DOK6: variants seen among roughly 807,000 people sequenced by gnomAD.
DOK6 encodes the protein docking protein 6.
A neutral mutation model predicts 44.0 loss-of-function variants in DOK6; 22 were observed. The observed-to-expected ratio is 0.50, with a 90% CI of 0.36 to 0.71. The LOEUF (loss-of-function observed/expected upper bound fraction) is 0.71, where lower values mean the gene tolerates loss of function less well. DOK6 is among the 30% of genes least tolerant of loss of function. DOK6 has a pLI of 0.00. For missense variants in DOK6, 340 were observed against 416.4 expected (o/e 0.82, Z 1.60); for synonymous variants, 166 against 145.5 (o/e 1.14, Z -1.01).
intron 1 of DOK6, among the ~76,000 whole-genome samples, chr18:69,504,124 A>G (rs147550290): frequency 2.6e-5 from 4 of 152,034 alleles, no homozygotes; most frequent in Non-Finnish European, 5.9e-5. Context: ...AGTTAATGGG[A>G]TAAGTTTCAG....
At chr18:69,475,447 A>G (rs1024057278) in intron 1 of DOK6, among the ~76,000 whole-genome samples, 3 of 152,230 alleles carry the variant, frequency 2.0e-5, no homozygotes, top group Admixed American at 6.5e-5. Context: ...AGTATGAAAC[A>G]AAGAAAAAAT....
intron 1 of DOK6, among the ~76,000 whole-genome samples, chr18:69,444,594 A>T (rs1979226950): frequency 6.6e-6 from 1 of 151,340 alleles, no homozygotes; most frequent in Admixed American, 6.6e-5. Flanking sequence ...TTTTATTTTT[A>T]ATTTATATAA....
chr18:69,556,180 T>A (rs1403560794), intron 1 of DOK6, among the ~76,000 whole-genome samples: 1 of 152,206 alleles, frequency 6.6e-6, no homozygotes, highest in Non-Finnish European at 1.5e-5. Flanking sequence ...GATCCCTTCC[T>A]GACCTGGCTT....
chr18:69,517,954 C>T (rs1376999657), intron 1 of DOK6, among the ~76,000 whole-genome samples: 1 of 151,960 alleles, frequency 6.6e-6, no homozygotes, highest in Non-Finnish European at 1.5e-5. Context: ...AGCTGCCTCC[C>T]CTAGCCAAAT....
chr18:69,732,992 A>T (rs996502510), intron 5 of DOK6, among the ~76,000 whole-genome samples: 2 of 152,178 alleles, frequency 1.3e-5, no homozygotes, highest in Non-Finnish European at 2.9e-5. Flanking sequence ...GAAACTTACA[A>T]TCATGGCAGA....
chr18:69,790,396 G>A (rs1364735555), intron 7 of DOK6, among the ~76,000 whole-genome samples: 3 of 152,084 alleles, frequency 2.0e-5, no homozygotes, highest in Non-Finnish European at 4.4e-5. Context: ...CAGACCTGCA[G>A]GTTCTGCACA....
At chr18:69,518,217 C>G (rs906754114) in intron 1 of DOK6, among the ~76,000 whole-genome samples, 1 of 152,118 alleles carries the variant, frequency 6.6e-6, no homozygotes, top group Non-Finnish European at 1.5e-5. Context: ...AAGGAATCTA[C>G]TGGTAAAATT....
chr18:69,477,779 G>A (rs1457654404), intron 1 of DOK6, among the ~76,000 whole-genome samples: 2 of 152,122 alleles, frequency 1.3e-5, no homozygotes, highest in Non-Finnish European at 2.9e-5. Flanking sequence ...CAGTTTAACA[G>A]CCAAGAAGAT....
At chr18:69,835,214 G>A (rs559794063) in intron 7 of DOK6, among the ~76,000 whole-genome samples, 5 of 152,244 alleles carry the variant, frequency 3.3e-5, no homozygotes, top group Middle Eastern at 3.4e-3. Context: ...TGTAATTCCA[G>A]CACTTTGGGA....
intron 6 of DOK6, among the ~76,000 whole-genome samples, chr18:69,756,617 C>T (rs532283393): frequency 1.6e-4 from 24 of 152,300 alleles, no homozygotes; most frequent in South Asian, 1.2e-3. Context: ...TGGCCTTGAA[C>T]GACCTGGTGT....
chr18:69,433,212 C>A (rs965126621), intron 1 of DOK6, among the ~76,000 whole-genome samples: 1 of 152,082 alleles, frequency 6.6e-6, no homozygotes, highest in African/African-American at 2.4e-5. Context: ...TTTAGGAGAT[C>A]TGTTAGCATT....
chr18:69,764,463 C>T (rs1979657248), intron 7 of DOK6, among the ~76,000 whole-genome samples: 1 of 152,148 alleles, frequency 6.6e-6, no homozygotes, highest in South Asian at 2.1e-4. Flanking sequence ...CCTCCATGCT[C>T]TCCTTGTGAT....
chr18:69,796,811 T>C (rs2145102317), intron 7 of DOK6, among the ~76,000 whole-genome samples: 1 of 152,318 alleles, frequency 6.6e-6, no homozygotes, highest in East Asian at 1.9e-4. Context: ...TCTCATATGC[T>C]TGTTTCTTGA....
chr18:69,499,675 C>A (rs1234085954), intron 1 of DOK6, among the ~76,000 whole-genome samples: 1 of 152,140 alleles, frequency 6.6e-6, no homozygotes, highest in Admixed American at 6.5e-5. Context: ...CTTCCTACTC[C>A]ATATTCTTTG....
At chr18:69,406,652 A>G (rs1916211484) in intron 1 of DOK6, among the ~76,000 whole-genome samples, 1 of 152,260 alleles carries the variant, frequency 6.6e-6, no homozygotes, top group South Asian at 2.1e-4. Flanking sequence ...TGAAATTAAT[A>G]GATAGTGAGC....
intron 2 of DOK6, among the ~76,000 whole-genome samples, chr18:69,567,753 C>T (rs761212763): frequency 3.9e-5 from 6 of 152,068 alleles, no homozygotes; most frequent in Admixed American, 1.3e-4. Flanking sequence ...AGCTGAGGTC[C>T]GAGGGGAGTG....
chr18:69,402,884 C>T (rs755481466), intron 1 of DOK6, among the ~76,000 whole-genome samples: 8 of 152,178 alleles, frequency 5.3e-5, no homozygotes, highest in Non-Finnish European at 7.3e-5. Flanking sequence ...GACGAACCCA[C>T]GGGAAAAGCT....
intron 1 of DOK6, among the ~76,000 whole-genome samples, chr18:69,414,585 G>A (rs1978320415): frequency 6.6e-6 from 1 of 152,170 alleles, no homozygotes; most frequent in Admixed American, 6.6e-5. Context: ...AGGGTATGGG[G>A]TTTGTGTGTG....
chr18:69,651,101 G>GAAAT (rs1568322379), intron 3 of DOK6, among the ~76,000 whole-genome samples: 1 of 152,036 alleles, frequency 6.6e-6, no homozygotes, highest in African/African-American at 2.4e-5. Flanking sequence ...CTTCCCAGAG[G>GAAAT]AAATAGAAGT....
Sources: gnomAD v4.1 joint callset for allele counts (sites outside exome capture counted in the v4.1 genomes callset) on GRCh38, gnomAD v4.1.1 for gene constraint, MANE v1.5 for transcripts, NCBI Gene and HGNC (gene_info 2026-07-23, HGNC 2026-07-21) for gene names.